Variants in NOC3L observed in about 807,000 individuals in gnomAD.
NOC3L encodes the protein nucleolar complex protein 3 homolog.
In NOC3L, 85 loss-of-function variants were observed where a neutral mutation model predicts 102.5. The ratio of observed to expected loss-of-function variants is 0.83; its 90% CI spans 0.70 to 0.99. The LOEUF (loss-of-function observed/expected upper bound fraction) is 0.99. Among genes scored for constraint, NOC3L ranks in the 50% least tolerant of loss-of-function variants. NOC3L has a pLI of 0.00. For synonymous variants in NOC3L, 303 were observed against 309.4 expected (o/e 0.98, Z 0.22); for missense variants, 878 against 914.9 (o/e 0.96, Z 0.52).
At chr10:94,356,670 T>G (rs2054489665) in intron 4 of NOC3L, 79 bp from the exon 5 acceptor site, 1 of 874,030 alleles carries the variant, frequency 1.1e-6, no homozygotes, top group African/African-American at 1.7e-5. Flanking sequence ...AGGAGGTGAT[T>G]ACGATAAAAC....
rs1340077231 is a variant in NOC3L, at chr10:94,350,120, G to C, written c.1121C>G (p.Ser374Ter). 1 of 1,613,874 alleles carries C rather than the reference G, an allele frequency of 6.2e-7. No individual in the cohort carries two copies. Among genetic ancestry groups the C allele is most frequent in the African/African-American group, 1.3e-5 (1 of 74,992 alleles). ...VLIVPLMNDM[S>*]KLISEMCCEA... is the part of the protein sequence containing the mutation. ...CCATTTACAGCAACTCACCAATTTT[G>C]ACATGTCATTCATGAGAGGGACAAT... Residue 374 changes from serine to a stop codon, truncating the protein, a stop_gained, in exon 9 of 21, where the codon TCA becomes TGA. Coordinates refer to ENST00000371361, the MANE Select transcript of NOC3L (RefSeq NM_022451.11). LOFTEE classifies it high-confidence loss of function.
At chr10:94,318,840 G>A in the NOC3L span, among the ~76,000 whole-genome samples, 1 of 152,178 alleles carries the variant, frequency 6.6e-6, no homozygotes, top group Non-Finnish European at 1.5e-5. Flanking sequence ...GCAGGCTCAG[G>A]AGTTTGAGAC....
chr10:94,335,607 G>A (rs115162961), intron 19 of NOC3L, among the ~76,000 whole-genome samples: 125 of 152,270 alleles, frequency 8.2e-4, no homozygotes, highest in African/African-American at 2.9e-3. Context: ...TGTAGAGGAG[G>A]CAGCAACTGA....
rs543550357 is a variant in NOC3L, at chr10:94,338,820, T to A, written c.1963-84A>T. The A allele has an allele frequency of 1.6e-4, 195 of 1,189,980 alleles. 1 individual carries two copies. Among genetic ancestry groups the A allele is most frequent in the Non-Finnish European group, 1.9e-4 (167 of 859,492 alleles). The allele number at this position is 1,189,980 out of a possible 1,614,324, so 73.7% of individuals were successfully genotyped here. A position where few individuals can be genotyped will look rare whatever the true frequency, so the allele number is the denominator to read the frequency against. ...TTACTGGTTTGTAGTTGTATTTGCA[T>A]TTAAATTTATGGTTGTATAAGAGCT... On this transcript the variant is annotated intron_variant, in intron 17 of 20. Transcript: ENST00000371361.
At chr10:94,361,980 C>G in intron 1 of NOC3L, 108 bp from the exon 2 acceptor site, 1 of 851,668 alleles carries the variant, frequency 1.2e-6, no homozygotes, top group Non-Finnish European at 1.9e-6. Context: ...ATTTCAATGT[C>G]CCACAGCCAC....
At chr10:94,319,306 AAAT>A in the NOC3L span, among the ~76,000 whole-genome samples, 3 of 152,210 alleles carry the variant, frequency 2.0e-5, no homozygotes, top group African/African-American at 7.2e-5. Flanking sequence ...AGTGATACCC[AAAT>A]AATAATTGCT....
chr10:94,340,510 AGG>A lies in NOC3L; in HGVS notation c.1645-16_1645-15del. 8 of 716,286 alleles carry A rather than the reference AGG, an allele frequency of 1.1e-5. No homozygotes were observed. Among genetic ancestry groups the A allele is most frequent in the East Asian group, 4.0e-5 (1 of 25,264 alleles). The allele number at this position is 716,286 out of a possible 1,614,324, so 44.4% of individuals were successfully genotyped here. On this transcript the variant is annotated splice_polypyrimidine_tract_variant and intron_variant, in intron 14 of 20. Coordinates refer to ENST00000371361, the MANE Select transcript of NOC3L (RefSeq NM_022451.11). ...ATAGCTTAGGTCCTTTAAAAAAAAA[AGG>A]GGGGGGTGAGGGGGATGGAATATTA...
Position 94,346,441 on chromosome 10 carries a change from G to T in NOC3L, c.1373C>A (p.Ser458Ter). The stretch of plus-strand genomic sequence containing the variant: ...AAGTCAAACCTTTCTCTGCATTCTT[G>T]ATAGAGATTTTCTCTTTTCTTTGAA... ...MTFKEKRKSL[S>*]RMQRKWKKAE... Residue 458 changes from serine (S) to a stop codon, truncating the protein, a stop_gained, in exon 11 of 21, where the codon TCA becomes TAA. Transcript: ENST00000371361. LOFTEE classifies it high-confidence loss of function. 1 of 1,503,572 alleles carries T rather than the reference G, an allele frequency of 6.7e-7. No homozygotes were observed. Among genetic ancestry groups the T allele is most frequent in the South Asian group, 1.3e-5 (1 of 76,784 alleles). The allele number at this position is 1,503,572 out of a possible 1,614,324, so 93.1% of individuals were successfully genotyped here.
In NOC3L at chr10:94,344,440, G is replaced by T. The variant is rs376056680; in HGVS notation, c.1546C>A (p.Pro516Thr). 6.2e-7 allele frequency: 1 copy of T among 1,613,066 alleles called. No individual in the cohort carries two copies. The change falls in exon 13 of 21, where the codon CCA (proline) becomes ACA (threonine). Residue 516 changes from proline (P) to threonine (T), a missense_variant. Physicochemically the swap from Pro to Thr is conservative, Grantham distance 38. Transcript: ENST00000371361. Reference protein sequence around the residue: ...LKKAQRSPLLPAVLEGLAKFA... With the variant: ...LKKAQRSPLLTAVLEGLAKFA... ...TTGGCAAGACCTTCTAGAACTGCTG[G>T]CAGGAGAGGTGACCTCTGGGCCTTC...
chr10:94,348,326 T>C (rs2054371356), intron 10 of NOC3L, among the ~76,000 whole-genome samples: 1 of 151,706 alleles, frequency 6.6e-6, no homozygotes, highest in Non-Finnish European at 1.5e-5. Context: ...ACAAAAAATA[T>C]AGCTTCATAT....
intron 19 of NOC3L, 113 bp downstream of exon 19, chr10:94,337,664 C>A (rs1005122118): frequency 1.6e-6 from 1 of 634,566 alleles, no homozygotes. Flanking sequence ...AATCCAGATA[C>A]CCAACTGGCA....
intron 9 of NOC3L, among the ~76,000 whole-genome samples, chr10:94,349,721 G>GA (rs11383344): frequency 0.67 from 101,334 of 151,950 alleles, 34,688 homozygotes; most frequent in East Asian, 0.75. Context: ...TTTGTAGGGG[G>GA]AAAAAAATCA....
chr10:94,360,300 G>A (rs2054537736), intron 2 of NOC3L, among the ~76,000 whole-genome samples: 1 of 151,904 alleles, frequency 6.6e-6, no homozygotes, highest in South Asian at 2.1e-4. Flanking sequence ...TGGCAACAGA[G>A]AGAGACTCCA....
intron 14 of NOC3L, among the ~76,000 whole-genome samples, chr10:94,340,785 T>C (rs1431760967): frequency 1.3e-5 from 2 of 151,626 alleles, no homozygotes; most frequent in African/African-American, 2.4e-5. Flanking sequence ...ATCAAGACCA[T>C]CCTGGCTAAC....
chr10:94,326,499 C>T, the NOC3L span, among the ~76,000 whole-genome samples: 30 of 152,328 alleles, frequency 2.0e-4, 1 homozygote, highest in South Asian at 5.8e-3. Context: ...GTTATACACA[C>T]CTCTATAACT....
downstream of NOC3L, chr10:94,331,002 G>A (rs750356564): frequency 6.6e-6 from 1 of 152,194 alleles, no homozygotes; most frequent in Non-Finnish European, 1.5e-5. Flanking sequence ...GAAGAGAAAG[G>A]AGCATGAATT....
intron 17 of NOC3L, 88 bp from the exon 18 acceptor site, chr10:94,338,824 A>G (rs1369334490): frequency 1.7e-6 from 2 of 1,157,532 alleles, no homozygotes; most frequent in Non-Finnish European, 2.4e-6. Flanking sequence ...TTTGCATTTA[A>G]ATTTATGGTT....
Position 94,357,308 on chromosome 10 carries a change from C to A in NOC3L, c.374G>T (p.Arg125Leu). ...SSSEPVHAKK[R>L]KHERIIDKYE... ...TTTATCTATAATGCGTTCATGCTTC[C>A]GTTTCTTCGCATGAACAGGCTCACT... The change falls in exon 4 of 21, where the codon CGG (arginine) becomes CTG (leucine). Residue 125 changes from arginine to leucine, a missense_variant. Physicochemically the swap from Arg to Leu is moderately radical, Grantham distance 102. Transcript: ENST00000371361. The A allele has an allele frequency of 6.3e-7, 1 of 1,596,134 alleles. No individual in the cohort carries two copies.
intron 14 of NOC3L, among the ~76,000 whole-genome samples, chr10:94,341,209 A>C (rs2054280436): frequency 1.3e-5 from 2 of 151,746 alleles, no homozygotes; most frequent in Non-Finnish European, 2.9e-5. Flanking sequence ...GTTATCTTTA[A>C]GATAACCTAG....
Sources: allele counts gnomAD v4.1 joint callset (sites outside exome capture counted in the v4.1 genomes callset), GRCh38; gene constraint gnomAD v4.1.1; transcripts MANE v1.5; gene names NCBI Gene and HGNC (gene_info 2026-07-23, HGNC 2026-07-21).